Variants in MAP1B observed in about 807,000 individuals in gnomAD.
MAP1B encodes the protein microtubule-associated protein 1B.
In MAP1B, 12 loss-of-function variants were observed where a neutral mutation model predicts 176.1. The observed-to-expected ratio is 0.07, with a 90% CI of 0.04 to 0.11. The LOEUF (loss-of-function observed/expected upper bound fraction) is 0.11, where lower values mean the gene tolerates loss of function less well. MAP1B is among the 10% of genes least tolerant of loss of function. The probability of loss-of-function intolerance (pLI) is 1.00; values close to 1 mark genes in which losing one functional copy is unlikely to be tolerated. For synonymous variants in MAP1B, 1,044 were observed against 1,135.0 expected, an observed-to-expected ratio of 0.92 and a Z score of 1.61; for missense variants, 2,523 against 2,990.5, an observed-to-expected ratio of 0.84 and a Z score of 3.65.
chr5:72,111,114 C>T (rs1002658913), intron 1 of MAP1B, among the ~76,000 whole-genome samples: 42 of 152,244 alleles, frequency 2.8e-4, no homozygotes, highest in African/African-American at 8.9e-4. Flanking sequence ...TTTTCTCCTC[C>T]CTAATTAGCC....
chr5:72,129,691 A>C (rs1387341371), intron 2 of MAP1B, among the ~76,000 whole-genome samples: 3 of 151,398 alleles, frequency 2.0e-5, no homozygotes, highest in Admixed American at 1.3e-4. Context: ...CCTATTTCCC[A>C]CTTGTTTTTC....
chr5:72,134,596 A>C (rs1466076523), intron 2 of MAP1B, among the ~76,000 whole-genome samples: 1 of 152,088 alleles, frequency 6.6e-6, no homozygotes, highest in Admixed American at 6.5e-5. Flanking sequence ...TTTTAAAGAA[A>C]ACTTGAAAAC....
chr5:72,124,323 C>A (rs1032202219), intron 2 of MAP1B, among the ~76,000 whole-genome samples: 3 of 152,124 alleles, frequency 2.0e-5, no homozygotes, highest in Admixed American at 6.5e-5. Flanking sequence ...ACCACAGGGA[C>A]TGGAGAAATT....
intron 2 of MAP1B, among the ~76,000 whole-genome samples, chr5:72,148,256 G>A (rs1352413709): frequency 2.0e-5 from 3 of 152,154 alleles, no homozygotes; most frequent in Non-Finnish European, 2.9e-5. Flanking sequence ...CCCTGAGGCT[G>A]CACAGGGCTC....
intron 2 of MAP1B, among the ~76,000 whole-genome samples, chr5:72,118,108 C>G (rs1434548874): frequency 6.6e-6 from 1 of 152,212 alleles, no homozygotes. Context: ...CTAGTGGTCT[C>G]TAGCTAACTC....
intron 2 of MAP1B, among the ~76,000 whole-genome samples, chr5:72,141,066 T>C (rs1350514379): frequency 1.3e-5 from 2 of 152,206 alleles, no homozygotes; most frequent in Non-Finnish European, 2.9e-5. Flanking sequence ...GGTGTCTGTG[T>C]CTTCTGGAGC....
intron 2 of MAP1B, among the ~76,000 whole-genome samples, chr5:72,175,186 T>G (rs1039919047): frequency 2.0e-5 from 3 of 151,618 alleles, no homozygotes; most frequent in African/African-American, 7.3e-5. Flanking sequence ...CACCTCAGCC[T>G]CCCGAGTAGC....
chr5:72,200,950 T>A (rs1260607992), intron 5 of MAP1B, among the ~76,000 whole-genome samples: 2 of 152,236 alleles, frequency 1.3e-5, no homozygotes, highest in Non-Finnish European at 2.9e-5. Flanking sequence ...AATACTATAA[T>A]TTCAGTTGAC....
chr5:72,145,351 T>A (rs1746025689), intron 2 of MAP1B, among the ~76,000 whole-genome samples: 1 of 151,726 alleles, frequency 6.6e-6, no homozygotes, highest in African/African-American at 2.4e-5. Flanking sequence ...ATGATTTTAA[T>A]CTTTGGCAGC....
In MAP1B at chr5:72,161,926, C is replaced by G. The variant is rs114970897; in HGVS notation, c.287-21817C>G. Among the ~76,000 whole-genome samples, 494 of 125,778 alleles carry G rather than the reference C, an allele frequency of 3.9e-3. 3 individuals are homozygous for G. The highest frequency in any genetic ancestry group is 0.014 in the African/African-American group (465 of 32,624). 82.5% of individuals were successfully genotyped at this position (125,778 alleles called of 152,430 possible). A position where few individuals can be genotyped will look rare whatever the true frequency, so the allele number is the denominator to read the frequency against. ...GAGCCGAGATCGCGCCACTACACTA[C>G]AGCCTGGGTGACAAAGCGAAATTCC... On this transcript the variant is annotated intron_variant, in intron 2 of 6. Transcript: ENST00000296755.
At chr5:72,147,483 G>C (rs2112161696) in intron 2 of MAP1B, among the ~76,000 whole-genome samples, 2 of 151,742 alleles carry the variant, frequency 1.3e-5, no homozygotes, top group East Asian at 3.9e-4. Flanking sequence ...AAAAGAAAGG[G>C]GTCTCTACCC....
chr5:72,120,590 A>AT (rs368298154), intron 2 of MAP1B, among the ~76,000 whole-genome samples: 1,788 of 150,100 alleles, frequency 0.012, 28 homozygotes, highest in African/African-American at 0.04. Context: ...ATGCCTGGCT[A>AT]TTTTTTTTTG....
intron 2 of MAP1B, among the ~76,000 whole-genome samples, chr5:72,175,825 A>G (rs1019485675): frequency 2.6e-5 from 4 of 152,218 alleles, no homozygotes. Flanking sequence ...TTAGGTATAG[A>G]CTCAAATTAG....
Position 72,143,933 on chromosome 5 carries a change from G to A in MAP1B, c.286+28134G>A, listed in dbSNP as rs141519098. Among the ~76,000 whole-genome samples, 20 of 152,174 alleles carry A rather than the reference G, an allele frequency of 1.3e-4. No homozygotes were observed. The East Asian group carries it at 2.9e-3, about 22-fold the overall frequency. ...TGAACTCCTAGGCTCAATACTTGGC[G>A]TACTTGGCTTGTAGATGTATCATTC... On this transcript the variant is annotated intron_variant, in intron 2 of 6. Coordinates refer to ENST00000296755, the MANE Select transcript of MAP1B (RefSeq NM_005909.5).
At chr5:72,162,161 T>C (rs904972285) in intron 2 of MAP1B, among the ~76,000 whole-genome samples, 1 of 152,020 alleles carries the variant, frequency 6.6e-6, no homozygotes, top group African/African-American at 2.4e-5. Flanking sequence ...CAACCTAACA[T>C]TCTGTGATGA....
chr5:72,194,828 G>A lies in MAP1B; in HGVS notation c.1473G>A (p.Gly491=), dbSNP rs1457742653. Residue 491 remains glycine (G), a synonymous_variant, in exon 5 of 7, where the codon GGG becomes GGA. Coordinates refer to ENST00000296755, the MANE Select transcript of MAP1B (RefSeq NM_005909.5). This position sits in a 1 kb window ranked among gnomAD's most constrained non-coding sequence, Gnocchi z 7.2. The part of the protein sequence containing the change: ...AEKIIRVLFP[G]NSTQYNILEG... The stretch of plus-strand genomic sequence containing the variant: ...AAATCATCCGAGTCCTGTTTCCTGG[G>A]AACAGCACCCAGTACAACATCCTGG... 1 of 1,614,166 alleles carries A rather than the reference G, an allele frequency of 6.2e-7. No homozygotes were observed. The highest frequency in any genetic ancestry group is 1.3e-5 in the African/African-American group (1 of 75,038).
At chr5:72,163,942 T>C (rs531751234) in intron 2 of MAP1B, among the ~76,000 whole-genome samples, 2 of 136,522 alleles carry the variant, frequency 1.5e-5, no homozygotes, top group Non-Finnish European at 3.2e-5. Flanking sequence ...TTTTTTTTTT[T>C]TTTTTTTTTG....
At chr5:72,202,304 G>C (rs1747349324) in intron 5 of MAP1B, among the ~76,000 whole-genome samples, 1 of 152,224 alleles carries the variant, frequency 6.6e-6, no homozygotes, top group Non-Finnish European at 1.5e-5. Flanking sequence ...TCTAGTACAA[G>C]TCAGAATTCT....
chr5:72,177,512 G>A (rs567495942), intron 2 of MAP1B, among the ~76,000 whole-genome samples: 20 of 152,210 alleles, frequency 1.3e-4, no homozygotes, highest in Admixed American at 2.0e-4. Flanking sequence ...TAGTTGCCAG[G>A]GATAGAGAAG....
Sources: gnomAD v4.1 joint callset for allele counts (sites outside exome capture counted in the v4.1 genomes callset) on GRCh38, gnomAD v4.1.1 for gene constraint, Gnocchi (gnomAD v3.1) non-coding constraint, MANE v1.5 for transcripts, NCBI Gene and HGNC (gene_info 2026-07-23, HGNC 2026-07-21) for gene names.